ADGRL2: variants seen among roughly 807,000 people sequenced by gnomAD.
ADGRL2 encodes calcium-independent alpha-latrotoxin receptor 2.
In ADGRL2, 44 loss-of-function variants were observed where a neutral mutation model predicts 157.4. That is an observed-to-expected ratio of 0.28 (90% CI 0.22 to 0.36). The LOEUF is 0.36. Ranked by LOEUF, ADGRL2 falls within the 10% of genes least tolerant of loss-of-function variation. The probability of loss-of-function intolerance (pLI) is 1.00; values close to 1 mark genes in which losing one functional copy is unlikely to be tolerated. For synonymous variants in ADGRL2, 585 were observed against 624.7 expected, an observed-to-expected ratio of 0.94 and a Z score of 0.95; for missense variants, 1,510 against 1,768.9, an observed-to-expected ratio of 0.85 and a Z score of 2.63.
intron 1 of ADGRL2, among the ~76,000 whole-genome samples, chr1:81,719,769 A>G (rs78748682): frequency 0.012 from 1,850 of 152,238 alleles, 13 homozygotes; most frequent in Non-Finnish European, 0.018. Context: ...GCCCAATGCT[A>G]GTGGAATTTG....
At chr1:81,556,154 G>A (rs903257294) in intron 2 of ADGRL2, among the ~76,000 whole-genome samples, 3 of 151,918 alleles carry the variant, frequency 2.0e-5, no homozygotes, top group Non-Finnish European at 4.4e-5. Context: ...GAGAGCTCTG[G>A]AAGCATTACA....
At chr1:81,972,504 C>T (rs1659035211) in intron 17 of ADGRL2, among the ~76,000 whole-genome samples, 2 of 152,082 alleles carry the variant, frequency 1.3e-5, no homozygotes, top group Admixed American at 6.6e-5. Flanking sequence ...TGATGCAAGT[C>T]AAGGATAACG....
intron 6 of ADGRL2, among the ~76,000 whole-genome samples, chr1:81,946,974 C>T (rs1650085476): frequency 6.6e-6 from 1 of 152,118 alleles, no homozygotes; most frequent in South Asian, 2.1e-4. Context: ...GTTCTTAGTA[C>T]ATAACCAGAG....
chr1:81,747,008 A>G (rs2085289661), intron 1 of ADGRL2, among the ~76,000 whole-genome samples: 1 of 147,658 alleles, frequency 6.8e-6, no homozygotes, highest in African/African-American at 2.5e-5. Flanking sequence ...ACGTGTATAC[A>G]CACGTATGTA....
At chr1:81,757,439 A>G (rs1156620824) in intron 1 of ADGRL2, among the ~76,000 whole-genome samples, 1 of 152,192 alleles carries the variant, frequency 6.6e-6, no homozygotes, top group Non-Finnish European at 1.5e-5. Context: ...GCCTGTAACA[A>G]TAACTGAGTC....
chr1:81,851,329 G>A (rs1445327022), intron 2 of ADGRL2, among the ~76,000 whole-genome samples: 1 of 151,820 alleles, frequency 6.6e-6, no homozygotes, highest in Non-Finnish European at 1.5e-5. Context: ...GATGAACCCA[G>A]CTAATATTGC....
At chr1:81,691,325 TTC>T (rs142032730) in intron 3 of ADGRL2, among the ~76,000 whole-genome samples, 40,439 of 149,028 alleles carry the variant, frequency 0.27, 5,453 homozygotes, top group Admixed American at 0.36. Flanking sequence ...TCTGCTTGTT[TTC>T]TTTTTTTTTT....
upstream of ADGRL2, among the ~76,000 whole-genome samples, chr1:81,796,866 G>A (rs895661866): frequency 6.6e-6 from 1 of 152,138 alleles, no homozygotes; most frequent in Non-Finnish European, 1.5e-5. Context: ...ATTTTGGATA[G>A]GGTTTGGCCT....
At chr1:81,309,982 G>GA (rs1301437274) in intron 1 of ADGRL2, among the ~76,000 whole-genome samples, 3 of 152,184 alleles carry the variant, frequency 2.0e-5, no homozygotes, top group East Asian at 3.9e-4. Flanking sequence ...GTTCACATCA[G>GA]AAAAAATACT....
At chr1:81,611,360 A>G (rs2081537379) in intron 3 of ADGRL2, among the ~76,000 whole-genome samples, 2 of 152,236 alleles carry the variant, frequency 1.3e-5, no homozygotes, top group African/African-American at 4.8e-5. Flanking sequence ...CATTTGTAAA[A>G]GGGAAATAAT....
intron 2 of ADGRL2, among the ~76,000 whole-genome samples, chr1:81,474,931 A>T (rs1384448868): frequency 6.6e-6 from 1 of 152,146 alleles, no homozygotes; most frequent in East Asian, 1.9e-4. Flanking sequence ...TCTGGCAAAG[A>T]TTTATGCTGC....
rs2094603632 is a variant in ADGRL2, at chr1:81,907,313, A to G, written c.287+83A>G. On this transcript the variant is annotated intron_variant, in intron 3 of 23. Coordinates refer to ENST00000686636, the MANE Select transcript of ADGRL2 (RefSeq NM_001366006.2). ...ATTACAGTTATTCCAAAGCGAATGG[A>G]TATAGACCACATCCCAGCCTATTTA... The G allele has an allele frequency of 3.5e-6, 4 of 1,138,556 alleles. No individual in the cohort carries two copies. In the Admixed American group the frequency reaches 7.0e-5, roughly 20 times the overall value. The allele number at this position is 1,138,556 out of a possible 1,614,324, so 70.5% of individuals were successfully genotyped here. A position where few individuals can be genotyped will look rare whatever the true frequency, so the allele number is the denominator to read the frequency against.
chr1:81,367,214 A>C (rs1570741006), intron 1 of ADGRL2, among the ~76,000 whole-genome samples: 1 of 117,430 alleles, frequency 8.5e-6, no homozygotes, highest in Non-Finnish European at 2.0e-5. Flanking sequence ...GTTTTGTTTT[A>C]TCAGCTTTTA....
In ADGRL2 at chr1:81,907,144, G is replaced by T; in HGVS notation, c.201G>T (p.Thr67=). 1 of 1,614,046 alleles carries T rather than the reference G, an allele frequency of 6.2e-7. No homozygotes were observed. The highest frequency in any genetic ancestry group is 1.1e-5 in the South Asian group (1 of 91,082). ...IMIESANYGR[T]DDKICDADPF... is the part of the protein sequence containing the mutation. ...TTGAGAGCGCTAACTATGGTCGGAC[G>T]GATGACAAGATTTGTGATGCTGACC... is the stretch of plus-strand genomic sequence containing the variant. The change falls in exon 3 of 24, where the codon ACG becomes ACT. Residue 67 remains threonine (T), a synonymous_variant. Transcript: ENST00000686636.
At chr1:81,405,192 C>T (rs1002079386) in intron 1 of ADGRL2, among the ~76,000 whole-genome samples, 1 of 152,250 alleles carries the variant, frequency 6.6e-6, no homozygotes, top group Non-Finnish European at 1.5e-5. Context: ...GAGCAGCATG[C>T]TTTCTTTCAC....
chr1:81,326,845 T>C (rs1174760316), intron 1 of ADGRL2, among the ~76,000 whole-genome samples: 5 of 152,190 alleles, frequency 3.3e-5, no homozygotes, highest in Non-Finnish European at 5.9e-5. Flanking sequence ...ATCAGATATG[T>C]TTTAAATCAG....
At chr1:81,815,936 GC>G (rs1183951953) in intron 1 of ADGRL2, among the ~76,000 whole-genome samples, 1 of 151,680 alleles carries the variant, frequency 6.6e-6, no homozygotes, top group Non-Finnish European at 1.5e-5. Context: ...TTCTGGAGTT[GC>G]ATTTCTTAAA....
chr1:81,437,866 C>T (rs371259577), intron 1 of ADGRL2, among the ~76,000 whole-genome samples: 36 of 152,168 alleles, frequency 2.4e-4, no homozygotes, highest in African/African-American at 7.9e-4. Context: ...AGCTTTGATT[C>T]GAGTTATAAA....
intron 2 of ADGRL2, among the ~76,000 whole-genome samples, chr1:81,865,010 C>CA (rs900819591): frequency 2.6e-5 from 4 of 151,618 alleles, no homozygotes; most frequent in Admixed American, 6.6e-5. Flanking sequence ...CCCCAAAAAA[C>CA]AAAAAAAACC....
Sources: allele counts gnomAD v4.1 joint callset (sites outside exome capture counted in the v4.1 genomes callset), GRCh38; gene constraint gnomAD v4.1.1; transcripts MANE v1.5; gene names NCBI Gene and HGNC (gene_info 2026-07-23, HGNC 2026-07-21).